The following NEGR1 variants were observed in gnomAD, a reference collection of about 807,000 sequenced individuals.
The protein encoded by NEGR1 is neuronal growth regulator 1.
A neutral mutation model predicts 40.9 loss-of-function variants in NEGR1; 10 were observed. The observed-to-expected ratio is 0.24, with a 90% CI of 0.15 to 0.42. The LOEUF is 0.42. Among genes scored for constraint, NEGR1 ranks in the 10% least tolerant of loss-of-function variants. NEGR1 has a pLI of 1.00. For synonymous variants in NEGR1, 185 were observed against 166.8 expected (o/e 1.11, Z -0.84); for missense variants, 352 against 438.9 (o/e 0.80, Z 1.77).
chr1:72,174,002 A>G (rs1652068035), intron 1 of NEGR1, among the ~76,000 whole-genome samples: 1 of 152,078 alleles, frequency 6.6e-6, no homozygotes, highest in Admixed American at 6.6e-5. Context: ...ACTTCCTGGA[A>G]TGCTTATAAT....
intron 1 of NEGR1, among the ~76,000 whole-genome samples, chr1:72,087,142 G>A (rs544298235): frequency 8.5e-5 from 13 of 152,126 alleles, no homozygotes; most frequent in South Asian, 4.1e-4. Context: ...TGACTAGGCC[G>A]GGCACAGTGG....
At chr1:72,019,589 A>G (rs1646739844) in intron 1 of NEGR1, among the ~76,000 whole-genome samples, 1 of 152,228 alleles carries the variant, frequency 6.6e-6, no homozygotes, top group South Asian at 2.1e-4. Context: ...TCAACCAAGT[A>G]GAAACTTTGA....
chr1:71,751,506 C>T (rs965665671), intron 3 of NEGR1, among the ~76,000 whole-genome samples: 4 of 152,138 alleles, frequency 2.6e-5, no homozygotes, highest in African/African-American at 9.7e-5. Context: ...CTTCCCAAAT[C>T]CCAAACAGAG....
At chr1:71,682,648 G>A (rs866549209) in intron 4 of NEGR1, among the ~76,000 whole-genome samples, 3 of 152,066 alleles carry the variant, frequency 2.0e-5, no homozygotes, top group African/African-American at 7.2e-5. Context: ...AGTGACATGT[G>A]GATATGTGGC....
chr1:71,553,641 C>G (rs1557564402), intron 6 of NEGR1, among the ~76,000 whole-genome samples: 1 of 151,542 alleles, frequency 6.6e-6, no homozygotes, highest in African/African-American at 2.4e-5. Flanking sequence ...ATTGCTATAA[C>G]AGTATCTATC....
At chr1:71,537,611 A>G (rs1463969541) in intron 6 of NEGR1, among the ~76,000 whole-genome samples, 1 of 151,736 alleles carries the variant, frequency 6.6e-6, no homozygotes, top group Non-Finnish European at 1.5e-5. Context: ...AAATACAGCT[A>G]TCTGCTTCTG....
intron 6 of NEGR1, among the ~76,000 whole-genome samples, chr1:71,471,245 T>C (rs1179705936): frequency 1.3e-5 from 2 of 152,310 alleles, no homozygotes; most frequent in Admixed American, 1.3e-4. Context: ...CAATGGTTTA[T>C]GTCCTAAGAC....
chr1:71,793,621 C>G (rs1045693684), intron 2 of NEGR1, among the ~76,000 whole-genome samples: 1 of 151,900 alleles, frequency 6.6e-6, no homozygotes, highest in Non-Finnish European at 1.5e-5. Context: ...AATGACTGTA[C>G]AAGAAAAGCA....
At chr1:71,934,839 G>A (rs564552951) in intron 2 of NEGR1, among the ~76,000 whole-genome samples, 6 of 152,064 alleles carry the variant, frequency 3.9e-5, no homozygotes, top group Admixed American at 1.3e-4. Flanking sequence ...GTGTGTGCGC[G>A]TGTGTGTTTC....
At chr1:71,716,555 T>C (rs930616902) in intron 3 of NEGR1, among the ~76,000 whole-genome samples, 3 of 152,152 alleles carry the variant, frequency 2.0e-5, no homozygotes, top group African/African-American at 4.8e-5. Flanking sequence ...TCAGTGTCTA[T>C]GGTATTTTTA....
intron 2 of NEGR1, among the ~76,000 whole-genome samples, chr1:71,887,511 T>G (rs1264839538): frequency 6.6e-6 from 1 of 152,182 alleles, no homozygotes; most frequent in Non-Finnish European, 1.5e-5. Context: ...TTTTAATTTA[T>G]TTTTTCTTTA....
intron 2 of NEGR1, among the ~76,000 whole-genome samples, chr1:71,850,248 T>G (rs1228090172): frequency 6.6e-6 from 1 of 152,132 alleles, no homozygotes; most frequent in Non-Finnish European, 1.5e-5. Flanking sequence ...CTCCACCTTT[T>G]GGGCTCAAGC....
intron 3 of NEGR1, among the ~76,000 whole-genome samples, chr1:71,702,444 T>C (rs549777340): frequency 2.6e-5 from 4 of 151,980 alleles, no homozygotes; most frequent in East Asian, 3.9e-4. Flanking sequence ...AGTAATTTCA[T>C]AGGAGTAGGT....
chr1:72,080,929 T>A (rs770133365), intron 1 of NEGR1, among the ~76,000 whole-genome samples: 3 of 151,482 alleles, frequency 2.0e-5, no homozygotes, highest in Non-Finnish European at 4.4e-5. Context: ...AATGAATGAA[T>A]GAACGAATGA....
At chr1:72,042,655 G>A (rs1004292132) in intron 1 of NEGR1, among the ~76,000 whole-genome samples, 2 of 151,932 alleles carry the variant, frequency 1.3e-5, no homozygotes, top group Non-Finnish European at 2.9e-5. Flanking sequence ...AGAAACGCAA[G>A]TCACTTGCCA....
chr1:71,746,201 C>G (rs949017953), intron 3 of NEGR1, among the ~76,000 whole-genome samples: 4 of 152,180 alleles, frequency 2.6e-5, no homozygotes, highest in Non-Finnish European at 5.9e-5. Flanking sequence ...AGGTGTTGGC[C>G]ATGACCCTTA....
chr1:71,667,388 A>G (rs556626137), intron 4 of NEGR1, among the ~76,000 whole-genome samples: 5 of 152,312 alleles, frequency 3.3e-5, no homozygotes, highest in African/African-American at 1.2e-4. Context: ...AATACACAGA[A>G]GCGAGACTGT....
intron 1 of NEGR1, among the ~76,000 whole-genome samples, chr1:71,949,571 C>T (rs576007612): frequency 6.6e-6 from 1 of 152,200 alleles, no homozygotes; most frequent in African/African-American, 2.4e-5. Context: ...ACATATTCTA[C>T]TGGAACAAAG....
intron 1 of NEGR1, among the ~76,000 whole-genome samples, chr1:71,938,049 T>A (rs1185242669): frequency 6.6e-6 from 1 of 152,132 alleles, no homozygotes; most frequent in Non-Finnish European, 1.5e-5. Context: ...CTCCTTGGCT[T>A]CAATAACTCT....
Sources: gnomAD v4.1 joint callset for allele counts (sites outside exome capture counted in the v4.1 genomes callset) on GRCh38, gnomAD v4.1.1 for gene constraint, MANE v1.5 for transcripts, NCBI Gene and HGNC (gene_info 2026-07-23, HGNC 2026-07-21) for gene names.